The following OR14A2 variants were observed in gnomAD, a reference collection of about 807,000 sequenced individuals.
OR14A2 encodes the protein olfactory receptor 14A2.
For synonymous variants in OR14A2, 114 were observed against 58.6 expected (o/e 1.95, Z -4.32); for missense variants, 237 against 152.9 (o/e 1.55, Z -2.90).
the OR14A2 span, among the ~76,000 whole-genome samples, chr1:247,729,830 G>A: frequency 6.6e-6 from 1 of 151,938 alleles, no homozygotes; most frequent in African/African-American, 2.4e-5. Context: ...AGGGTTTACT[G>A]GTTTGTTGTT....
chr1:247,740,046 A>G, the OR14A2 span, among the ~76,000 whole-genome samples: 3,084 of 152,258 alleles, frequency 0.02, 30 homozygotes, highest in African/African-American at 0.026. Context: ...TCTGTTATTC[A>G]TGTAGAAATA....
At chr1:247,739,659 G>A in the OR14A2 span, 1 of 617,156 alleles carries the variant, frequency 1.6e-6, no homozygotes, top group Non-Finnish European at 2.9e-6. Context: ...ATGTCATGGA[G>A]TCTTGCTACT....
chr1:247,734,206 G>T, the OR14A2 span, among the ~76,000 whole-genome samples: 1 of 152,108 alleles, frequency 6.6e-6, no homozygotes, highest in African/African-American at 2.4e-5. Flanking sequence ...TTAGAACAGG[G>T]ATTAGGGCAC....
chr1:247,732,610 A>T, the OR14A2 span, among the ~76,000 whole-genome samples: 1 of 152,258 alleles, frequency 6.6e-6, no homozygotes, highest in South Asian at 2.1e-4. Context: ...TACTTACCCA[A>T]CTGATTTGAA....
upstream of OR14A2, among the ~76,000 whole-genome samples, chr1:247,726,706 T>C (rs1660374534): frequency 6.8e-6 from 1 of 147,636 alleles, no homozygotes; most frequent in Admixed American, 6.7e-5. Context: ...AATTGATTTT[T>C]GTATAAGGTG....
At chr1:247,738,606 T>G in the OR14A2 span, 2 of 769,330 alleles carry the variant, frequency 2.6e-6, no homozygotes, top group Non-Finnish European at 4.8e-6. Context: ...GCGCTTATAA[T>G]TTTGAACTAT....
the OR14A2 span, among the ~76,000 whole-genome samples, chr1:247,743,296 A>C: frequency 6.6e-6 from 1 of 151,936 alleles, no homozygotes; most frequent in Non-Finnish European, 1.5e-5. Context: ...ACCATGCCAG[A>C]ACACCTCCCA....
At chr1:247,742,617 T>C in the OR14A2 span, among the ~76,000 whole-genome samples, 7 of 152,216 alleles carry the variant, frequency 4.6e-5, no homozygotes, top group African/African-American at 1.7e-4. Context: ...TCTAGGAAAG[T>C]GGGCTTCTAT....
the OR14A2 span, chr1:247,739,039 T>G: frequency 1.3e-6 from 1 of 780,788 alleles, no homozygotes; most frequent in South Asian, 1.3e-5. Flanking sequence ...TGTGTCCAGT[T>G]GATGGCTCTG....
chr1:247,745,107 C>A, the OR14A2 span, among the ~76,000 whole-genome samples: 3 of 152,012 alleles, frequency 2.0e-5, no homozygotes, highest in Non-Finnish European at 2.9e-5. Context: ...TGACTCCTCA[C>A]ATAAAAATAT....
At chr1:247,737,400 T>A in the OR14A2 span, among the ~76,000 whole-genome samples, 1 of 151,368 alleles carries the variant, frequency 6.6e-6, no homozygotes, top group Non-Finnish European at 1.5e-5. Flanking sequence ...CAAATGGAAA[T>A]CTCATGCTAT....
chr1:247,730,218 C>T, the OR14A2 span, among the ~76,000 whole-genome samples: 2 of 152,068 alleles, frequency 1.3e-5, no homozygotes, highest in East Asian at 1.9e-4. Flanking sequence ...TACTTCTTCA[C>T]AGCAGGCTGT....
the OR14A2 span, among the ~76,000 whole-genome samples, chr1:247,740,102 T>G: frequency 4.6e-5 from 7 of 152,240 alleles, no homozygotes; most frequent in African/African-American, 1.7e-4. Flanking sequence ...ACTCTTGTTC[T>G]GAAGATCCAC....
the OR14A2 span, among the ~76,000 whole-genome samples, chr1:247,740,085 G>T: frequency 6.6e-6 from 1 of 152,154 alleles, no homozygotes; most frequent in Non-Finnish European, 1.5e-5. Flanking sequence ...CAACTTCAAT[G>T]ATTTTTACTC....
the OR14A2 span, among the ~76,000 whole-genome samples, chr1:247,729,445 A>G: frequency 5.3e-5 from 8 of 152,212 alleles, no homozygotes; most frequent in Non-Finnish European, 7.4e-5. Flanking sequence ...GCACTTTGCT[A>G]AAAATGAAGA....
At chr1:247,736,830 T>A in the OR14A2 span, among the ~76,000 whole-genome samples, 1 of 152,314 alleles carries the variant, frequency 6.6e-6, no homozygotes, top group South Asian at 2.1e-4. Flanking sequence ...AATTAGCTCA[T>A]GTTATGAGTC....
the OR14A2 span, among the ~76,000 whole-genome samples, chr1:247,731,715 A>G: frequency 2.0e-5 from 3 of 151,882 alleles, no homozygotes; most frequent in Non-Finnish European, 2.9e-5. Context: ...AAGTGTTTCT[A>G]TTTCTTTGTG....
chr1:247,735,571 A>G, the OR14A2 span, among the ~76,000 whole-genome samples: 3 of 152,240 alleles, frequency 2.0e-5, no homozygotes, highest in Non-Finnish European at 2.9e-5. Context: ...GAAATAAAAT[A>G]TAAGTACAAG....
At chr1:247,723,445 A>G (rs1191262048) in exon 1 of OR14A2, 1 of 717,656 alleles carries the variant, frequency 1.4e-6, no homozygotes, top group Non-Finnish European at 2.6e-6. Context: ...ACATGCACCA[A>G]CTCCAATACC....
Sources: gnomAD v4.1 joint callset for allele counts (sites outside exome capture counted in the v4.1 genomes callset) on GRCh38, gnomAD v4.1.1 for gene constraint, MANE v1.5 for transcripts, NCBI Gene and HGNC (gene_info 2026-07-23, HGNC 2026-07-21) for gene names.